TRPM3: variants seen among roughly 807,000 people sequenced by gnomAD.
TRPM3 encodes transient receptor potential cation channel subfamily M member 3, also known as long transient receptor potential channel 3.
In TRPM3, 77 loss-of-function variants were observed where a neutral mutation model predicts 181.2. The observed-to-expected ratio is 0.42, with a 90% CI of 0.35 to 0.51. TRPM3 has a LOEUF of 0.51. TRPM3 is among the 20% of genes least tolerant of loss of function. The pLI is 0.01. For synonymous variants in TRPM3, 745 were observed against 796.4 expected (o/e 0.94, Z 1.09); for missense variants, 1,759 against 2,196.7 (o/e 0.80, Z 3.98).
At chr9:70,557,668 C>A (rs1389625887) in intron 22 of TRPM3, among the ~76,000 whole-genome samples, 3 of 152,158 alleles carry the variant, frequency 2.0e-5, no homozygotes, top group African/African-American at 7.2e-5. Flanking sequence ...GGACATGCAC[C>A]CAAGATGGCA....
intron 1 of TRPM3, among the ~76,000 whole-genome samples, chr9:71,300,013 T>G (rs924620981): frequency 6.6e-6 from 1 of 152,120 alleles, no homozygotes; most frequent in Non-Finnish European, 1.5e-5. Context: ...TGCTGCCAGA[T>G]AGCATAACCC....
At chr9:71,328,068 T>TAA (rs201839952) in intron 1 of TRPM3, among the ~76,000 whole-genome samples, 41 of 135,746 alleles carry the variant, frequency 3.0e-4, no homozygotes, top group Middle Eastern at 3.7e-3. Context: ...TTTTCTGAAT[T>TAA]AAAAAAAAAA....
chr9:71,167,556 A>G (rs1423815300), intron 1 of TRPM3, among the ~76,000 whole-genome samples: 1 of 152,148 alleles, frequency 6.6e-6, no homozygotes, highest in East Asian at 1.9e-4. Flanking sequence ...CCACATAGTA[A>G]TAACATTCCT....
At chr9:70,915,332 CTG>C (rs1193408760) in intron 1 of TRPM3, among the ~76,000 whole-genome samples, 2 of 151,862 alleles carry the variant, frequency 1.3e-5, no homozygotes, top group African/African-American at 4.8e-5. Context: ...GAGTCTTACT[CTG>C]TCGCCCAGGC....
At chr9:70,784,658 T>A (rs1338591105) in intron 6 of TRPM3, among the ~76,000 whole-genome samples, 2 of 152,182 alleles carry the variant, frequency 1.3e-5, no homozygotes, top group Non-Finnish European at 2.9e-5. Context: ...AAGTCTTTTA[T>A]CTTTCCAATG....
At chr9:70,702,123 A>C (rs1382991869) in intron 8 of TRPM3, among the ~76,000 whole-genome samples, 3 of 28,840 alleles carry the variant, frequency 1.0e-4, no homozygotes, top group African/African-American at 4.4e-4. Flanking sequence ...TACTGAGAGA[A>C]CAACAGGTTG....
chr9:70,912,804 TTCTC>T (rs1267690859), intron 1 of TRPM3, among the ~76,000 whole-genome samples: 1 of 152,186 alleles, frequency 6.6e-6, no homozygotes, highest in Non-Finnish European at 1.5e-5. Context: ...GCCTCTCTCT[TTCTC>T]TCTCTCACCA....
At chr9:71,403,901 G>T (rs1004438969) in intron 1 of TRPM3, among the ~76,000 whole-genome samples, 1 of 151,992 alleles carries the variant, frequency 6.6e-6, no homozygotes, top group Non-Finnish European at 1.5e-5. Flanking sequence ...AAATTCAGAG[G>T]ATGTGGACAA....
At chr9:70,857,796 C>G (rs1162234560) in intron 3 of TRPM3, among the ~76,000 whole-genome samples, 2 of 152,156 alleles carry the variant, frequency 1.3e-5, no homozygotes, top group African/African-American at 4.8e-5. Context: ...TTTAAAAACT[C>G]TGGATGCCCA....
intron 1 of TRPM3, among the ~76,000 whole-genome samples, chr9:71,247,976 T>G (rs1191583737): frequency 6.6e-6 from 1 of 152,244 alleles, no homozygotes; most frequent in Non-Finnish European, 1.5e-5. Flanking sequence ...CTTGCTAGGC[T>G]GACAGCACAA....
intron 1 of TRPM3, among the ~76,000 whole-genome samples, chr9:71,301,964 A>T (rs1266283039): frequency 2.6e-5 from 4 of 152,156 alleles, no homozygotes; most frequent in Non-Finnish European, 4.4e-5. Flanking sequence ...ATCCTCCTTC[A>T]AATTTTGCTC....
chr9:71,267,131 T>C (rs551092671), intron 1 of TRPM3, among the ~76,000 whole-genome samples: 23 of 152,256 alleles, frequency 1.5e-4, no homozygotes, highest in African/African-American at 5.3e-4. Context: ...CTTCACCTCC[T>C]GCCCCCTTCC....
At chr9:71,097,171 TAAAAA>T (rs888502054) in intron 1 of TRPM3, among the ~76,000 whole-genome samples, 1 of 152,010 alleles carries the variant, frequency 6.6e-6, no homozygotes, top group African/African-American at 2.4e-5. Context: ...CTATGCTTAT[TAAAAA>T]AAGAGAAAAC....
At chr9:70,966,089 A>G (rs1453452395) in intron 1 of TRPM3, among the ~76,000 whole-genome samples, 2 of 151,998 alleles carry the variant, frequency 1.3e-5, no homozygotes, top group African/African-American at 4.8e-5. Flanking sequence ...GGCAAATAGC[A>G]TGAACAGATA....
At chr9:71,320,075 T>C (rs886462665) in intron 1 of TRPM3, among the ~76,000 whole-genome samples, 2 of 152,000 alleles carry the variant, frequency 1.3e-5, no homozygotes, top group South Asian at 2.1e-4. Context: ...TAGGGAGTTG[T>C]TGGGGTAGGG....
At chr9:71,403,764 T>C (rs141967298) in intron 1 of TRPM3, among the ~76,000 whole-genome samples, 1,755 of 152,152 alleles carry the variant, frequency 0.012, 15 homozygotes, top group Middle Eastern at 0.027. Context: ...TATAAAATAG[T>C]TCTCATTGTC....
chr9:71,099,415 G>C (rs1361418608), intron 1 of TRPM3, among the ~76,000 whole-genome samples: 1 of 152,138 alleles, frequency 6.6e-6, no homozygotes, highest in Non-Finnish European at 1.5e-5. Context: ...ATATCAGTCA[G>C]TACTTGCAAT....
At chr9:71,060,482 T>C (rs1326028487) in intron 1 of TRPM3, among the ~76,000 whole-genome samples, 1 of 152,122 alleles carries the variant, frequency 6.6e-6, no homozygotes, top group East Asian at 1.9e-4. Flanking sequence ...TCCGACATCA[T>C]TCAACAAGTA....
chr9:70,674,875 A>C lies in TRPM3; in HGVS notation c.1345+6631T>G, dbSNP rs2063691738. Among the ~76,000 whole-genome samples the C allele has an allele frequency of 2.6e-5, 4 of 151,156 alleles. No individual in the cohort carries two copies. In the South Asian group the frequency reaches 8.4e-4, roughly 32 times the overall value. On this transcript the variant is annotated intron_variant, in intron 9 of 25. Coordinates refer to ENST00000677713, the MANE Select transcript of TRPM3 (RefSeq NM_001366145.2). ...GCCATTGCACCCAGCATATATATGA[A>C]ATTTTTAAAAAATTTATCTACCTTT...
Sources: allele counts gnomAD v4.1 joint callset (sites outside exome capture counted in the v4.1 genomes callset), GRCh38; gene constraint gnomAD v4.1.1; transcripts MANE v1.5; gene names NCBI Gene and HGNC (gene_info 2026-07-23, HGNC 2026-07-21).